BMERB1: variants seen among roughly 807,000 people sequenced by gnomAD.
The protein encoded by BMERB1 is bMERB domain-containing protein 1.
BMERB1 carries 12 observed loss-of-function variants against 23.6 expected under a neutral mutation model. The observed-to-expected ratio is 0.51, with a 90% CI of 0.33 to 0.82. The LOEUF (loss-of-function observed/expected upper bound fraction) is 0.82. Among genes scored for constraint, BMERB1 ranks in the 40% least tolerant of loss-of-function variants. The pLI is 0.03. For missense variants in BMERB1, 247 were observed against 255.4 expected (o/e 0.97, Z 0.22); for synonymous variants, 122 against 96.6 (o/e 1.26, Z -1.54).
intron 2 of BMERB1, among the ~76,000 whole-genome samples, chr16:15,556,676 C>G (rs1265707280): frequency 1.3e-5 from 2 of 152,182 alleles, no homozygotes; most frequent in African/African-American, 4.8e-5. Context: ...ACCTCCACCT[C>G]CCAGGTTCAA....
At chr16:15,544,542 C>T (rs906401341) in intron 2 of BMERB1, among the ~76,000 whole-genome samples, 12 of 152,186 alleles carry the variant, frequency 7.9e-5, no homozygotes, top group Non-Finnish European at 1.8e-4. Flanking sequence ...TTACTTCCTA[C>T]ACTGTGAGAA....
chr16:15,463,695 G>A lies in BMERB1; in HGVS notation c.106+28936G>A, dbSNP rs1211104871. Among the ~76,000 whole-genome samples, 3 of 152,138 alleles carry A rather than the reference G, an allele frequency of 2.0e-5. No individual in the cohort carries two copies. The East Asian group carries it at 5.8e-4, about 29-fold the overall frequency. ...CATGCTCCCCAAAAGATGTCACTTT[G>A]GGAGAACATATTCAAGGAACCCTCC... On this transcript the variant is annotated intron_variant, in intron 1 of 5. Coordinates refer to ENST00000300006, the MANE Select transcript of BMERB1 (RefSeq NM_033201.3).
intron 2 of BMERB1, among the ~76,000 whole-genome samples, chr16:15,559,698 G>A (rs150714902): frequency 6.6e-6 from 1 of 152,260 alleles, no homozygotes; most frequent in African/African-American, 2.4e-5. Context: ...TTACGTGAAT[G>A]GACACCTAAC....
intron 2 of BMERB1, among the ~76,000 whole-genome samples, chr16:15,523,554 C>T (rs74634984): frequency 1.3e-5 from 2 of 152,272 alleles, no homozygotes; most frequent in African/African-American, 4.8e-5. Flanking sequence ...ATCACAGAGT[C>T]CATGGTCTCA....
At chr16:15,570,919 T>C (rs1715083922) in intron 3 of BMERB1, among the ~76,000 whole-genome samples, 1 of 152,014 alleles carries the variant, frequency 6.6e-6, no homozygotes, top group South Asian at 2.1e-4. Context: ...CTTAGCATGC[T>C]AATACCTTAT....
intron 1 of BMERB1, among the ~76,000 whole-genome samples, chr16:15,514,832 G>A (rs138942130): frequency 0.018 from 2,686 of 152,250 alleles, 79 homozygotes; most frequent in African/African-American, 0.062. Context: ...TGTAATCCCA[G>A]CACTTTGGGA....
chr16:15,511,443 C>T (rs1042616910), intron 1 of BMERB1, among the ~76,000 whole-genome samples: 1 of 152,078 alleles, frequency 6.6e-6, no homozygotes, highest in Admixed American at 6.6e-5. Flanking sequence ...CCCATTCACC[C>T]ACCTCCACTC....
chr16:15,483,222 C>T (rs970344865), intron 1 of BMERB1, among the ~76,000 whole-genome samples: 4 of 152,092 alleles, frequency 2.6e-5, no homozygotes, highest in African/African-American at 9.7e-5. Context: ...ATAAAGGTTG[C>T]TGTTGTGAGT....
At chr16:15,585,577 A>T (rs2031120621) in intron 5 of BMERB1, among the ~76,000 whole-genome samples, 1 of 152,152 alleles carries the variant, frequency 6.6e-6, no homozygotes, top group African/African-American at 2.4e-5. Context: ...TATGTCTGTA[A>T]TCCCAGCACT....
chr16:15,484,738 C>A (rs1004086802), intron 1 of BMERB1, among the ~76,000 whole-genome samples: 23 of 152,208 alleles, frequency 1.5e-4, no homozygotes. Context: ...GCGAAATTCA[C>A]ATAACATAGC....
intron 1 of BMERB1, among the ~76,000 whole-genome samples, chr16:15,459,443 G>A (rs1277862444): frequency 1.3e-5 from 2 of 151,880 alleles, no homozygotes; most frequent in African/African-American, 2.4e-5. Context: ...ATGGAAAAAT[G>A]TATAGCCTGC....
chr16:15,443,281 G>A (rs1024289690), intron 1 of BMERB1, among the ~76,000 whole-genome samples: 9 of 150,916 alleles, frequency 6.0e-5, no homozygotes, highest in African/African-American at 1.5e-4. Flanking sequence ...GGCTGGGTGC[G>A]GTGGCTCTCA....
At chr16:15,551,655 T>C (rs2030094981) in intron 2 of BMERB1, among the ~76,000 whole-genome samples, 1 of 152,062 alleles carries the variant, frequency 6.6e-6, no homozygotes, top group Non-Finnish European at 1.5e-5. Context: ...ACATGGGCTG[T>C]GTACCAGTCT....
chr16:15,537,486 G>C (rs554831359), intron 2 of BMERB1, among the ~76,000 whole-genome samples: 2 of 150,688 alleles, frequency 1.3e-5, no homozygotes, highest in Admixed American at 1.3e-4. Context: ...CCCCAGTAGC[G>C]GGGATTACAG....
chr16:15,564,675 A>G (rs2030516402), intron 2 of BMERB1, among the ~76,000 whole-genome samples: 1 of 152,246 alleles, frequency 6.6e-6, no homozygotes, highest in Non-Finnish European at 1.5e-5. Context: ...ATATTTAAAA[A>G]TTTCCCTAGT....
At chr16:15,492,745 C>G (rs912966094) in intron 1 of BMERB1, among the ~76,000 whole-genome samples, 5 of 151,910 alleles carry the variant, frequency 3.3e-5, no homozygotes, top group Admixed American at 2.6e-4. Flanking sequence ...ATGGCGAAAC[C>G]TTGTCTCTAC....
intron 1 of BMERB1, among the ~76,000 whole-genome samples, chr16:15,468,902 A>G (rs1468225983): frequency 1.3e-5 from 2 of 150,808 alleles, no homozygotes; most frequent in Non-Finnish European, 2.9e-5. Context: ...GCCTGTGGAT[A>G]TCCAATTTGT....
At chr16:15,575,002 T>C (rs2150974810) in intron 3 of BMERB1, among the ~76,000 whole-genome samples, 1 of 152,126 alleles carries the variant, frequency 6.6e-6, no homozygotes, top group African/African-American at 2.4e-5. Context: ...TTGCTTGAAC[T>C]CGGGAGAGGG....
chr16:15,445,219 G>A (rs1193779581), intron 1 of BMERB1, among the ~76,000 whole-genome samples: 2 of 152,128 alleles, frequency 1.3e-5, no homozygotes, highest in African/African-American at 4.8e-5. Flanking sequence ...TTTGGTTTCT[G>A]CAACTGTACA....
Sources: gnomAD v4.1 joint callset for allele counts (sites outside exome capture counted in the v4.1 genomes callset) on GRCh38, gnomAD v4.1.1 for gene constraint, MANE v1.5 for transcripts, NCBI Gene and HGNC (gene_info 2026-07-23, HGNC 2026-07-21) for gene names.